The following PCOLCE2 variants were observed in gnomAD, a reference collection of about 807,000 sequenced individuals.
PCOLCE2 encodes the protein procollagen C-proteinase enhancer 2.
A neutral mutation model predicts 47.0 loss-of-function variants in PCOLCE2; 42 were observed. The observed-to-expected ratio is 0.89, with a 90% confidence interval of 0.70 to 1.16. PCOLCE2 has a LOEUF of 1.16. PCOLCE2 is among the 50% of genes most tolerant of loss of function. The pLI is 0.00. For missense variants in PCOLCE2, 500 were observed against 526.1 expected (o/e 0.95, Z 0.49); for synonymous variants, 169 against 191.7 (o/e 0.88, Z 0.98).
intron 2 of PCOLCE2, among the ~76,000 whole-genome samples, chr3:142,877,711 T>C (rs1163949768): frequency 2.0e-5 from 3 of 152,192 alleles, no homozygotes; most frequent in Admixed American, 1.3e-4. Flanking sequence ...GACTCTCCAA[T>C]GCCCATTCTT....
chr3:142,868,247 A>G (rs912023488), intron 2 of PCOLCE2, among the ~76,000 whole-genome samples: 11 of 152,122 alleles, frequency 7.2e-5, no homozygotes, highest in Admixed American at 7.2e-4. Flanking sequence ...GCCTCCAAGG[A>G]CCACTTAATA....
At chr3:142,878,333 C>T (rs1057458511) in intron 2 of PCOLCE2, among the ~76,000 whole-genome samples, 1 of 152,146 alleles carries the variant, frequency 6.6e-6, no homozygotes, top group Non-Finnish European at 1.5e-5. Flanking sequence ...TACTGACTCT[C>T]GTGATCGACC....
intron 6 of PCOLCE2, among the ~76,000 whole-genome samples, chr3:142,824,954 C>G (rs949949713): frequency 6.6e-6 from 1 of 152,048 alleles, no homozygotes; most frequent in African/African-American, 2.4e-5. Flanking sequence ...ATCTGTACCC[C>G]CTAGTTAACT....
rs545952615 is a variant in PCOLCE2 at position 142,822,031 on chromosome 3, C to T, written c.950-986G>A. On this transcript the variant is annotated intron_variant, in intron 7 of 8. Coordinates refer to ENST00000295992, the MANE Select transcript of PCOLCE2 (RefSeq NM_013363.4). ...CTCCCAGGTTCAAGCAATTCTCCTG[C>T]CTCAGCCTCCCAAGTAGCTGGGATT... Among the ~76,000 whole-genome samples the T allele has an allele frequency of 1.2e-4, 19 of 152,206 alleles. No homozygotes were observed. The East Asian group carries it at 3.5e-3, about 28-fold the overall frequency.
chr3:142,837,165 T>C (rs779374312), intron 5 of PCOLCE2, among the ~76,000 whole-genome samples: 11 of 152,210 alleles, frequency 7.2e-5, no homozygotes, highest in African/African-American at 1.4e-4. Context: ...AGGCAGACTC[T>C]AGAAGCAGGA....
chr3:142,841,896 G>A (rs1213965494), intron 4 of PCOLCE2, among the ~76,000 whole-genome samples: 1 of 152,066 alleles, frequency 6.6e-6, no homozygotes, highest in Non-Finnish European at 1.5e-5. Context: ...TATCTTTAAA[G>A]GTCCACAAAG....
chr3:142,860,589 C>G (rs1268082791), intron 2 of PCOLCE2, among the ~76,000 whole-genome samples: 2 of 152,008 alleles, frequency 1.3e-5, no homozygotes, highest in Admixed American at 1.3e-4. Context: ...TGTACTTTTA[C>G]TAGAGACAAG....
At chr3:142,876,363 GGAGT>G (rs1162046129) in intron 2 of PCOLCE2, among the ~76,000 whole-genome samples, 16 of 152,044 alleles carry the variant, frequency 1.1e-4, no homozygotes, top group African/African-American at 2.4e-4. Flanking sequence ...TATGAGGTAG[GGAGT>G]ATCATTATCC....
rs189998290 is a variant in PCOLCE2 at position 142,867,647 on chromosome 3, T to C, written c.193-19175A>G. On this transcript the variant is annotated intron_variant, in intron 2 of 8. Coordinates refer to ENST00000295992, the MANE Select transcript of PCOLCE2 (RefSeq NM_013363.4). Reference sequence around the variant, plus strand: ...TATTAGCCATCAGGGAAATGACAACTAAAATCACAACGTGATATGACTAGA... The same window carrying C: ...TATTAGCCATCAGGGAAATGACAACCAAAATCACAACGTGATATGACTAGA... 5.1e-3 allele frequency among the ~76,000 whole-genome samples: 777 copies of C among 151,342 alleles called. 5 individuals are homozygous for C. Among genetic ancestry groups the C allele is most frequent in the South Asian group, 0.018 (84 of 4,780 alleles).
chr3:142,863,946 G>A (rs200863095), intron 2 of PCOLCE2: 15 of 152,160 alleles, frequency 9.9e-5, no homozygotes, highest in South Asian at 4.2e-4. Context: ...GAATCATTTT[G>A]CTCAGATGGT....
chr3:142,888,694 C>T, intron 1 of PCOLCE2, 120 bp downstream of exon 1: 1 of 563,604 alleles, frequency 1.8e-6, no homozygotes, highest in Non-Finnish European at 2.9e-6. Flanking sequence ...CGCGGGAGCG[C>T]AGGGTCGAGC....
At chr3:142,855,151 G>A (rs1424690935) in intron 2 of PCOLCE2, among the ~76,000 whole-genome samples, 1 of 152,110 alleles carries the variant, frequency 6.6e-6, no homozygotes, top group Non-Finnish European at 1.5e-5. Flanking sequence ...AGCCTATCCT[G>A]AGCACCCCTG....
intron 8 of PCOLCE2, among the ~76,000 whole-genome samples, chr3:142,819,656 T>A (rs560109268): frequency 6.6e-6 from 1 of 152,310 alleles, no homozygotes; most frequent in East Asian, 1.9e-4. Context: ...TTTAAATTTT[T>A]TTCTTTTTTT....
At position 142,852,647 on chromosome 3, in the gene PCOLCE2, A is replaced by ATGTGTGTG. The variant is rs35154183; in HGVS notation, c.193-4183_193-4176dup. ...TGGGTTTCCTTCCATGCTGATCAAA[A>ATGTGTGTG]TGTGTGTGTGTGTGTGTGTGTGTGT... On this transcript the variant is annotated intron_variant, in intron 2 of 8. Transcript: ENST00000295992. 4.3e-3 allele frequency among the ~76,000 whole-genome samples: 619 copies of ATGTGTGTG among 144,772 alleles called. 3 individuals carry two copies. The highest frequency in any genetic ancestry group is 0.014 in the African/African-American group (558 of 39,470). 95.0% of individuals were successfully genotyped at this position (144,772 alleles called of 152,430 possible). A position where few individuals can be genotyped will look rare whatever the true frequency, so the allele number is the denominator to read the frequency against.
intron 2 of PCOLCE2, among the ~76,000 whole-genome samples, chr3:142,883,397 A>G (rs535355895): frequency 1.1e-4 from 17 of 152,070 alleles, no homozygotes; most frequent in African/African-American, 2.7e-4. Flanking sequence ...TGCTTTCACA[A>G]GGTCTTATTT....
At chr3:142,876,403 G>A (rs1933498974) in intron 2 of PCOLCE2, among the ~76,000 whole-genome samples, 1 of 152,108 alleles carries the variant, frequency 6.6e-6, no homozygotes, top group Non-Finnish European at 1.5e-5. Context: ...GGAAACTGAG[G>A]CACAGGGAGG....
At chr3:142,884,650 TGATAAAGC>T (rs1180960279) in intron 2 of PCOLCE2, among the ~76,000 whole-genome samples, 1 of 152,210 alleles carries the variant, frequency 6.6e-6, no homozygotes, top group Non-Finnish European at 1.5e-5. Context: ...CAACTCTTGG[TGATAAAGC>T]TGAGTCAAGA....
intron 8 of PCOLCE2, among the ~76,000 whole-genome samples, 185 bp downstream of exon 8, chr3:142,820,693 A>G (rs1425455669): frequency 6.6e-6 from 1 of 152,182 alleles, no homozygotes; most frequent in Non-Finnish European, 1.5e-5. Context: ...CATCATGTCC[A>G]CTACCCCTTC....
At chr3:142,884,950 G>A (rs186952693) in intron 2 of PCOLCE2, among the ~76,000 whole-genome samples, 124 of 152,274 alleles carry the variant, frequency 8.1e-4, no homozygotes, top group Middle Eastern at 3.4e-3. Flanking sequence ...GAAACTAAAT[G>A]TTTAACTTAA....
Sources: gnomAD v4.1 joint callset for allele counts (sites outside exome capture counted in the v4.1 genomes callset) on GRCh38, gnomAD v4.1.1 for gene constraint, MANE v1.5 for transcripts, NCBI Gene and HGNC (gene_info 2026-07-23, HGNC 2026-07-21) for gene names.